Variants in NOC3L observed in about 807,000 individuals in gnomAD.
NOC3L encodes nucleolar complex protein 3 homolog.
In NOC3L, 85 loss-of-function variants were observed where a neutral mutation model predicts 102.5. That is an observed-to-expected ratio of 0.83 (90% confidence interval 0.70 to 0.99). NOC3L has a LOEUF of 0.99. NOC3L is among the 50% of genes least tolerant of loss of function. The pLI, the probability that NOC3L is intolerant of heterozygous loss-of-function variation, is 0.00. For synonymous variants in NOC3L, 303 were observed against 309.4 expected, an observed-to-expected ratio of 0.98 and a Z score of 0.22; for missense variants, 878 against 914.9, an observed-to-expected ratio of 0.96 and a Z score of 0.52.
downstream of NOC3L, chr10:94,332,269 C>CT (rs1204067962): frequency 6.6e-6 from 1 of 152,142 alleles, no homozygotes; most frequent in Non-Finnish European, 1.5e-5. Flanking sequence ...ACATAGGTCT[C>CT]TAAACTTTTG....
downstream of NOC3L, chr10:94,329,506 GGGCAGAGTGGCTCACGC>G (rs1564904968): frequency 1.3e-5 from 2 of 152,118 alleles, no homozygotes; most frequent in Non-Finnish European, 2.9e-5. Context: ...CACACAGGCT[GGGCAGAGTGGCTCACGC>G]CTGTAACTCC....
chr10:94,319,636 A>G, the NOC3L span, among the ~76,000 whole-genome samples: 1 of 152,174 alleles, frequency 6.6e-6, no homozygotes, highest in East Asian at 1.9e-4. Flanking sequence ...TAACTTCTGT[A>G]AACCTCACTG....
chr10:94,340,017 C>A, intron 16 of NOC3L, 97 bp from the exon 17 acceptor site: 1 of 1,062,856 alleles, frequency 9.4e-7, no homozygotes, highest in East Asian at 2.5e-5. Flanking sequence ...ACTTTTGTAC[C>A]TGTCCCAAAC....
rs1334888553 is a variant in NOC3L at position 94,361,813 on chromosome 10, T to C, written c.69A>G (p.Lys23=). ...GCTTATTTTTTAGCTTGTTTTCAAG[T>C]TTGACTTTACTAGTTTTTATTAACT... ...FRKLIKTSKV[K]LENKLKNKQF... Residue 23 remains lysine, a synonymous_variant, in exon 2 of 21, where the codon AAA becomes AAG. Transcript: ENST00000371361. The C allele has an allele frequency of 6.2e-7, 1 of 1,613,900 alleles. No individual in the cohort carries two copies. Among genetic ancestry groups the C allele is most frequent in the Non-Finnish European group, 8.5e-7 (1 of 1,179,930 alleles).
At chr10:94,354,839 A>T in intron 6 of NOC3L, 124 bp downstream of exon 6, 2 of 899,454 alleles carry the variant, frequency 2.2e-6, no homozygotes, top group South Asian at 1.9e-5. Context: ...ACTCTAACCC[A>T]GCTACTATGT....
At position 94,337,833 on chromosome 10, in the gene NOC3L, C is replaced by T; in HGVS notation, c.2133G>A (p.Leu711=). 6.2e-6 allele frequency: 10 copies of T among 1,614,052 alleles called. No homozygotes were observed. The highest frequency in any genetic ancestry group is 8.5e-6 in the Non-Finnish European group (10 of 1,179,952). ...HPIVQRFAAH[L]IAGAPSEGSG... ...AGCCTTCAGAAGGTGCTCCAGCGAT[C>T]AGGTGGGCTGCAAATCTCTGCACTA... is the stretch of plus-strand genomic sequence containing the variant. Residue 711 remains leucine (L), a synonymous_variant, in exon 19 of 21, where the codon CTG becomes CTA. Coordinates refer to ENST00000371361, the MANE Select transcript of NOC3L (RefSeq NM_022451.11).
chr10:94,358,068 C>T lies in NOC3L; in HGVS notation c.350+15G>A. On this transcript the variant is annotated intron_variant, in intron 3 of 20. Transcript: ENST00000371361. Reference sequence around the variant, plus strand: ...TAAATGGATATGAATGATTATAACCCAAATGAAGTATTACCTAGAAGAAAG... The same window carrying T: ...TAAATGGATATGAATGATTATAACCTAAATGAAGTATTACCTAGAAGAAAG... 2 of 1,517,198 alleles carry T rather than the reference C, an allele frequency of 1.3e-6. No homozygotes were observed. Among genetic ancestry groups the T allele is most frequent in the Non-Finnish European group, 1.8e-6 (2 of 1,093,196 alleles). The allele number at this position is 1,517,198 out of a possible 1,614,324, so 94.0% of individuals were successfully genotyped here.
chr10:94,325,949 A>C, the NOC3L span, among the ~76,000 whole-genome samples: 3 of 152,252 alleles, frequency 2.0e-5, no homozygotes, highest in African/African-American at 4.8e-5. Flanking sequence ...GCAAAATAAC[A>C]TAACAGCCTC....
At chr10:94,341,216 C>A (rs2054280518) in intron 14 of NOC3L, among the ~76,000 whole-genome samples, 1 of 151,166 alleles carries the variant, frequency 6.6e-6, no homozygotes, top group Admixed American at 6.6e-5. Context: ...TTAAGATAAC[C>A]TAGTATGAGG....
At chr10:94,356,849 TTC>T (rs1443332267) in intron 4 of NOC3L, among the ~76,000 whole-genome samples, 4 of 152,146 alleles carry the variant, frequency 2.6e-5, no homozygotes, top group Admixed American at 6.5e-5. Flanking sequence ...ATCTGAACTT[TTC>T]TGTTTTATTT....
chr10:94,350,735 G>A (rs76426033), intron 8 of NOC3L, among the ~76,000 whole-genome samples: 75 of 133,998 alleles, frequency 5.6e-4, no homozygotes, highest in African/African-American at 1.8e-3. Context: ...AAAAAAAAAA[G>A]AAGAAGAAAA....
chr10:94,317,838 T>A, the NOC3L span, among the ~76,000 whole-genome samples: 1 of 152,160 alleles, frequency 6.6e-6, no homozygotes, highest in Non-Finnish European at 1.5e-5. Context: ...ATGTTGATAG[T>A]CAAGCAGTTG....
downstream of NOC3L, chr10:94,331,689 T>G (rs1463252146): frequency 1.3e-5 from 2 of 152,034 alleles, no homozygotes; most frequent in African/African-American, 4.8e-5. Flanking sequence ...TTATACAGAG[T>G]CTAGACTTGG....
rs2054485400 is a variant in NOC3L, at chr10:94,356,443, T to C, written c.565+92A>G. 6.3e-6 allele frequency: 5 copies of C among 795,046 alleles called. No individual in the cohort carries two copies. In the African/African-American group the frequency reaches 8.6e-5, roughly 14 times the overall value. 49.2% of individuals were successfully genotyped at this position (795,046 alleles called of 1,614,324 possible). ...TTGAAATGAGCAGTACTCCAAAATG[T>C]ACCTTCCAGATTTCATCTAAAATTA... On this transcript the variant is annotated intron_variant, in intron 5 of 20. Transcript: ENST00000371361.
At chr10:94,357,043 G>C (rs2054494465) in intron 4 of NOC3L, 131 bp downstream of exon 4, 4 of 628,752 alleles carry the variant, frequency 6.4e-6, no homozygotes, top group Non-Finnish European at 1.0e-5. Flanking sequence ...CATCAAGCTT[G>C]CTATAAGACT....
Position 94,334,181 on chromosome 10 carries a change from T to A in NOC3L, c.2399A>T (p.His800Leu), listed in dbSNP as rs150626689. Residue 800 changes from histidine to leucine, a missense_variant, in exon 21 of 21, where the codon CAC (histidine) becomes CTC (leucine). Physicochemically the swap from His to Leu is moderately conservative, Grantham distance 99 (BLOSUM62 -3). Coordinates refer to ENST00000371361, the MANE Select transcript of NOC3L (RefSeq NM_022451.11). ...DFTKYLKTSL[H>L] ...TCCACTGACTTCATTCCTCTACTAG[T>A]GTAGTGATGTTTTCAAATATTTCGT... The A allele has an allele frequency of 9.2e-6, 12 of 1,309,758 alleles. No individual in the cohort carries two copies. The highest frequency in any genetic ancestry group is 1.1e-5 in the Non-Finnish European group (10 of 904,384). 81.1% of individuals were successfully genotyped at this position (1,309,758 alleles called of 1,614,324 possible). A position where few individuals can be genotyped will look rare whatever the true frequency, so the allele number is the denominator to read the frequency against.
intron 14 of NOC3L, among the ~76,000 whole-genome samples, chr10:94,341,432 A>T (rs953399774): frequency 5.8e-5 from 8 of 137,966 alleles, no homozygotes; most frequent in Admixed American, 1.4e-4. Context: ...GCATCAATTT[A>T]AAAAAAAAAA....
downstream of NOC3L, chr10:94,332,618 A>G (rs1180089094): frequency 6.6e-5 from 10 of 152,078 alleles, no homozygotes; most frequent in Admixed American, 6.5e-4. Flanking sequence ...TTCACATAGG[A>G]TACTCAAATA....
intron 12 of NOC3L, 142 bp downstream of exon 12, chr10:94,344,711 A>C: frequency 1.4e-6 from 1 of 696,254 alleles, no homozygotes; most frequent in Non-Finnish European, 2.4e-6. Context: ...ATCACATCAC[A>C]GTTTCCCGCA....
Sources: allele counts gnomAD v4.1 joint callset (sites outside exome capture counted in the v4.1 genomes callset), GRCh38; gene constraint gnomAD v4.1.1; transcripts MANE v1.5; gene names NCBI Gene and HGNC (gene_info 2026-07-23, HGNC 2026-07-21).